Variants in ZNF600 observed in about 807,000 individuals in gnomAD.
ZNF600 encodes zinc finger protein KR-ZNF1.
In ZNF600, 4 loss-of-function variants were observed where a neutral mutation model predicts 7.3. The ratio of observed to expected loss-of-function variants is 0.55; its 90% CI spans 0.27 to 1.25. The LOEUF is 1.25. Ranked by LOEUF, ZNF600 falls within the 50% of genes most tolerant of loss-of-function variation. The pLI, the probability that ZNF600 is intolerant of heterozygous loss-of-function variation, is 0.12. For synonymous variants in ZNF600, 290 were observed against 308.9 expected, an observed-to-expected ratio of 0.94 and a Z score of 0.64; for missense variants, 911 against 922.1, an observed-to-expected ratio of 0.99 and a Z score of 0.16.
the ZNF600 span, among the ~76,000 whole-genome samples, chr19:52,821,197 C>A: frequency 2.0e-5 from 3 of 151,280 alleles, no homozygotes; most frequent in African/African-American, 4.9e-5. Context: ...CAGAACGCAG[C>A]CTTCCCGGGA....
chr19:52,828,092 C>T, the ZNF600 span, among the ~76,000 whole-genome samples: 1 of 151,820 alleles, frequency 6.6e-6, no homozygotes, highest in Admixed American at 6.6e-5. Flanking sequence ...TGCTCTGTCA[C>T]CCAGGCTGGA....
At chr19:52,820,595 C>T in the ZNF600 span, among the ~76,000 whole-genome samples, 5 of 152,004 alleles carry the variant, frequency 3.3e-5, no homozygotes, top group African/African-American at 1.2e-4. Context: ...GTGCTTCTCC[C>T]TCTGTTCTCC....
chr19:52,832,980 C>G, the ZNF600 span, among the ~76,000 whole-genome samples: 3 of 152,012 alleles, frequency 2.0e-5, no homozygotes, highest in East Asian at 3.9e-4. Flanking sequence ...CCACATGGGC[C>G]AGGCTGGTCT....
At chr19:52,787,866 AAAAAAG>A (rs1204035340), upstream of ZNF600, among the ~76,000 whole-genome samples, 555 of 106,324 alleles carry the variant, frequency 5.2e-3, 7 homozygotes, top group African/African-American at 0.015. Flanking sequence ...TCTCAAAAAA[AAAAAAG>A]AAAAAGAAAA....
chr19:52,764,436 T>G (rs1600365166), downstream of ZNF600: 2 of 152,178 alleles, frequency 1.3e-5, no homozygotes, highest in South Asian at 4.2e-4. Context: ...GCTCTTGAAC[T>G]TCTGACCTTA....
chr19:52,790,238 C>A (rs1449805201), upstream of ZNF600, among the ~76,000 whole-genome samples: 1 of 152,152 alleles, frequency 6.6e-6, no homozygotes, highest in Non-Finnish European at 1.5e-5. Context: ...GTGCCCCACG[C>A]CTTTAATTCC....
At chr19:52,814,669 G>A in the ZNF600 span, among the ~76,000 whole-genome samples, 2 of 145,492 alleles carry the variant, frequency 1.4e-5, no homozygotes, top group African/African-American at 5.4e-5. Context: ...GGCAGATCAC[G>A]AGGTTAGGAA....
At chr19:52,789,862 A>G (rs1198478767), upstream of ZNF600, among the ~76,000 whole-genome samples, 1 of 152,210 alleles carries the variant, frequency 6.6e-6, no homozygotes, top group Non-Finnish European at 1.5e-5. Context: ...GGCTGAGTCC[A>G]AAAAGAGAGT....
the ZNF600 span, among the ~76,000 whole-genome samples, chr19:52,818,970 C>T: frequency 9.5e-5 from 13 of 136,726 alleles, no homozygotes; most frequent in Admixed American, 3.0e-4. Context: ...CACTGATGGG[C>T]AGAGGGAACT....
chr19:52,789,937 C>T (rs2062787112), upstream of ZNF600, among the ~76,000 whole-genome samples: 1 of 151,576 alleles, frequency 6.6e-6, no homozygotes, highest in Non-Finnish European at 1.5e-5. Context: ...AAACTACAGT[C>T]AAAGGGGGTT....
intron 3 of ZNF600, among the ~76,000 whole-genome samples, chr19:52,770,786 G>A (rs1363171579): frequency 2.6e-5 from 4 of 152,130 alleles, no homozygotes; most frequent in African/African-American, 9.7e-5. Context: ...TTGGTCATGG[G>A]TGTTGACTAA....
intron 3 of ZNF600, 128 bp from the exon 6 acceptor site, chr19:52,767,900 A>G (rs1404755481): frequency 7.5e-7 from 1 of 1,326,276 alleles, no homozygotes; most frequent in Non-Finnish European, 1.0e-6. Flanking sequence ...AAAGTTTAGG[A>G]ACACAAAAGG....
At chr19:52,780,186 A>C (rs2062708952) in intron 1 of ZNF600, among the ~76,000 whole-genome samples, 1 of 152,140 alleles carries the variant, frequency 6.6e-6, no homozygotes, top group East Asian at 1.9e-4. Context: ...GTCTCCATAA[A>C]ATGTATAAAA....
chr19:52,769,923 C>T (rs1381415977), intron 3 of ZNF600, among the ~76,000 whole-genome samples: 2 of 152,084 alleles, frequency 1.3e-5, no homozygotes, highest in South Asian at 2.1e-4. Flanking sequence ...AAGCCATATG[C>T]AAAATTATAA....
the ZNF600 span, among the ~76,000 whole-genome samples, chr19:52,830,866 T>C: frequency 7.0e-6 from 1 of 142,124 alleles, no homozygotes; most frequent in Non-Finnish European, 1.5e-5. Flanking sequence ...ACTTTGTGCA[T>C]GCACATCTGT....
chr19:52,804,569 C>G, the ZNF600 span, among the ~76,000 whole-genome samples: 223 of 152,292 alleles, frequency 1.5e-3, 1 homozygote, highest in African/African-American at 5.1e-3. Context: ...CAGGGTTTCA[C>G]CATATTGGCC....
At chr19:52,799,338 T>A in the ZNF600 span, 2 of 486,368 alleles carry the variant, frequency 4.1e-6, no homozygotes, top group Non-Finnish European at 3.8e-6. Flanking sequence ...AATCTTGTCA[T>A]AAACCTTACA....
the ZNF600 span, chr19:52,807,784 G>C: frequency 4.9e-6 from 4 of 819,922 alleles, no homozygotes; most frequent in African/African-American, 6.9e-5. Flanking sequence ...CTGCCATAAA[G>C]TTTTATGCCT....
the ZNF600 span, among the ~76,000 whole-genome samples, chr19:52,832,974 A>G: frequency 3.9e-5 from 6 of 151,970 alleles, no homozygotes; most frequent in Admixed American, 3.9e-4. Flanking sequence ...GTTTTACCAC[A>G]TGGGCCAGGC....
Sources: gnomAD v4.1 joint callset for allele counts (sites outside exome capture counted in the v4.1 genomes callset) on GRCh38, gnomAD v4.1.1 for gene constraint, MANE v1.5 for transcripts, NCBI Gene and HGNC (gene_info 2026-07-23, HGNC 2026-07-21) for gene names.